UMAD1: variants seen among roughly 807,000 people sequenced by gnomAD.
UMAD1 encodes the protein UBAP1-MVB12-associated (UMA) domain containing 1.
UMAD1 carries 8 observed loss-of-function variants against 6.1 expected under a neutral mutation model. That is an observed-to-expected ratio of 1.30 (90% CI 0.76 to 2.35). The LOEUF is 2.35. Ranked by LOEUF, UMAD1 falls within the 30% of genes most tolerant of loss-of-function variation. The pLI, the probability that UMAD1 is intolerant of heterozygous loss-of-function variation, is 0.00. For synonymous variants in UMAD1, 56 were observed against 31.4 expected (o/e 1.78, Z -2.61); for missense variants, 130 against 78.4 (o/e 1.66, Z -2.49).
At chr7:7,840,004 G>A (rs1259745392) in intron 3 of UMAD1, among the ~76,000 whole-genome samples, 2 of 152,150 alleles carry the variant, frequency 1.3e-5, no homozygotes, top group Non-Finnish European at 2.9e-5. Flanking sequence ...AACAGGCAAT[G>A]GAATTGGGGT....
intron 3 of UMAD1, among the ~76,000 whole-genome samples, chr7:7,812,407 A>G (rs1783037875): frequency 6.6e-6 from 1 of 152,186 alleles, no homozygotes; most frequent in African/African-American, 2.4e-5. Context: ...CCACAATGAT[A>G]TTTATTTAAC....
In UMAD1 at chr7:7,698,556, C is replaced by CTT. The variant is rs1270661242; in HGVS notation, c.82+25111_82+25112dup. ...TTCTGTCTAAATGTTTTTTTCTTTT[C>CTT]TTTTTTTTTGTAGTATTTCGTAGAA... On this transcript the variant is annotated intron_variant, in intron 2 of 3. Transcript: ENST00000682710. Among the ~76,000 whole-genome samples, 3 of 151,082 alleles carry CTT rather than the reference C, an allele frequency of 2.0e-5. No individual in the cohort carries two copies. In the East Asian group the frequency reaches 5.8e-4, roughly 29 times the overall value.
intron 2 of UMAD1, among the ~76,000 whole-genome samples, chr7:7,711,055 C>G (rs549329933): frequency 6.6e-6 from 1 of 152,192 alleles, no homozygotes; most frequent in African/African-American, 2.4e-5. Flanking sequence ...AAGTTAGAGG[C>G]AAGTGTGTGT....
At chr7:7,702,247 A>T (rs937886391) in intron 2 of UMAD1, among the ~76,000 whole-genome samples, 1 of 152,236 alleles carries the variant, frequency 6.6e-6, no homozygotes, top group Non-Finnish European at 1.5e-5. Context: ...CTAAATCTTT[A>T]TTAAATAATT....
At chr7:7,745,897 T>G (rs1781564112) in intron 2 of UMAD1, among the ~76,000 whole-genome samples, 1 of 152,148 alleles carries the variant, frequency 6.6e-6, no homozygotes, top group South Asian at 2.1e-4. Context: ...TCTTTTCTCT[T>G]TCCTTATCCA....
chr7:7,641,055 T>G (rs1340624099), intron 1 of UMAD1: 6 of 152,732 alleles, frequency 3.9e-5, no homozygotes, highest in Non-Finnish European at 7.3e-5. Flanking sequence ...CCCGCCCCCT[T>G]GGAGATGGGC....
At chr7:7,826,815 T>A (rs1783350894) in intron 3 of UMAD1, among the ~76,000 whole-genome samples, 1 of 152,150 alleles carries the variant, frequency 6.6e-6, no homozygotes, top group South Asian at 2.1e-4. Context: ...CCCATCACCA[T>A]ACTTACCTGT....
intron 2 of UMAD1, chr7:7,741,975 C>T: frequency 7.4e-6 from 2 of 268,924 alleles, no homozygotes; most frequent in Non-Finnish European, 1.5e-5. Flanking sequence ...TATTTCTTAC[C>T]AACTGCCTCT....
intron 2 of UMAD1, among the ~76,000 whole-genome samples, chr7:7,749,287 T>C (rs185273582): frequency 9.5e-4 from 144 of 152,330 alleles, no homozygotes; most frequent in Middle Eastern, 3.4e-3. Context: ...TGAAGGACTC[T>C]TTTCTAGGTT....
intron 1 of UMAD1, among the ~76,000 whole-genome samples, chr7:7,663,284 C>CTTTGTT (rs201200361): frequency 1.5e-5 from 1 of 66,298 alleles, no homozygotes; most frequent in Non-Finnish European, 3.2e-5. Flanking sequence ...ATAGTTTTTT[C>CTTTGTT]TTTCTTTGTT....
chr7:7,742,218 C>A (rs1781484060), intron 2 of UMAD1: 4 of 682,262 alleles, frequency 5.9e-6, no homozygotes, highest in African/African-American at 1.8e-5. Flanking sequence ...TTCTTCACAG[C>A]CTGTTTGATC....
intron 1 of UMAD1, among the ~76,000 whole-genome samples, chr7:7,667,372 C>G (rs1412970153): frequency 6.6e-6 from 1 of 152,194 alleles, no homozygotes; most frequent in African/African-American, 2.4e-5. Context: ...GTCCAGCTGT[C>G]AAGGCCATGC....
In UMAD1 at chr7:7,655,527, G is replaced by A. The variant is rs531508925; in HGVS notation, c.-64+14706G>A. Among the ~76,000 whole-genome samples, 12 of 152,252 alleles carry A rather than the reference G, an allele frequency of 7.9e-5. No individual in the cohort carries two copies. In the South Asian group the frequency reaches 1.7e-3, roughly 21 times the overall value. ...CTTGATGCTCTATAATTGATTTGTA[G>A]CTCACCATCTTCCAACTTCCTAAGT... On this transcript the variant is annotated intron_variant, in intron 1 of 3. Coordinates refer to ENST00000682710, the MANE Select transcript of UMAD1 (RefSeq NM_001302348.2).
chr7:7,867,283 G>A (rs1784250348), intron 3 of UMAD1, among the ~76,000 whole-genome samples: 1 of 152,186 alleles, frequency 6.6e-6, no homozygotes, highest in Admixed American at 6.5e-5. Context: ...TTTGAGATTG[G>A]TATATGTGCA....
intron 2 of UMAD1, among the ~76,000 whole-genome samples, chr7:7,789,268 T>C (rs1782518024): frequency 6.6e-6 from 1 of 152,150 alleles, no homozygotes; most frequent in Non-Finnish European, 1.5e-5. Context: ...ATTCTATGGC[T>C]GAGAGAAAAA....
At chr7:7,714,316 T>C (rs1335449459) in intron 2 of UMAD1, among the ~76,000 whole-genome samples, 15 of 152,258 alleles carry the variant, frequency 9.9e-5, no homozygotes, top group Admixed American at 9.8e-4. Flanking sequence ...ATGAGCAGAC[T>C]TTCTTTGGCT....
chr7:7,718,488 A>C (rs563355938), intron 2 of UMAD1: 6 of 152,348 alleles, frequency 3.9e-5, no homozygotes, highest in African/African-American at 1.4e-4. Context: ...AAAACTATGT[A>C]TCCAACAAAT....
intron 3 of UMAD1, among the ~76,000 whole-genome samples, chr7:7,816,891 A>G (rs1357031453): frequency 6.6e-6 from 1 of 152,070 alleles, no homozygotes; most frequent in African/African-American, 2.4e-5. Flanking sequence ...CTTTCATTCA[A>G]TCCATTCACC....
chr7:7,823,079 G>A (rs1234150288), intron 3 of UMAD1, among the ~76,000 whole-genome samples: 2 of 152,024 alleles, frequency 1.3e-5, no homozygotes, highest in Non-Finnish European at 2.9e-5. Flanking sequence ...TTTATACAGA[G>A]CACAGTACTT....
Sources: allele counts gnomAD v4.1 joint callset (sites outside exome capture counted in the v4.1 genomes callset), GRCh38; gene constraint gnomAD v4.1.1; transcripts MANE v1.5; gene names NCBI Gene and HGNC (gene_info 2026-07-23, HGNC 2026-07-21).